ZNF2: variants seen among roughly 807,000 people sequenced by gnomAD.
ZNF2 encodes the protein zinc finger protein 2.2.
In ZNF2, 12 loss-of-function variants were observed where a neutral mutation model predicts 21.9. The observed-to-expected ratio is 0.55, with a 90% CI of 0.35 to 0.89. The LOEUF (loss-of-function observed/expected upper bound fraction) is 0.89. Among genes scored for constraint, ZNF2 ranks in the 40% least tolerant of loss-of-function variants. The pLI, the probability that ZNF2 is intolerant of heterozygous loss-of-function variation, is 0.01. For missense variants in ZNF2, 462 were observed against 544.2 expected, an observed-to-expected ratio of 0.85 and a Z score of 1.50; for synonymous variants, 186 against 196.3, an observed-to-expected ratio of 0.95 and a Z score of 0.44.
rs754735343 is a variant in ZNF2, at chr2:95,181,886, G to A, written c.1058G>A (p.Arg353His). ...CNECGKAFFD[R>H]SSLTQHQKIH... The stretch of plus-strand genomic sequence containing the variant: ...GAGTGTGGCAAAGCTTTCTTTGACC[G>A]CTCATCCCTTACACAGCATCAGAAG... The change falls in exon 5 of 5, where the codon CGC (arginine) becomes CAC (histidine). Residue 353 changes from arginine (R) to histidine (H), a missense_variant. Arg to His is a conservative substitution (Grantham distance 29, BLOSUM62 0). Transcript: ENST00000614034. 20 of 1,613,866 alleles carry A rather than the reference G, an allele frequency of 1.2e-5. No individual in the cohort carries two copies. Among genetic ancestry groups the A allele is most frequent in the Non-Finnish European group, 1.6e-5 (19 of 1,179,990 alleles).
chr2:95,180,800 A>G (rs1316155580), intron 4 of ZNF2, among the ~76,000 whole-genome samples: 1 of 152,080 alleles, frequency 6.6e-6, no homozygotes, highest in Admixed American at 6.5e-5. Context: ...GTGAGCCACC[A>G]TGCCCAGCCA....
intron 1 of ZNF2, among the ~76,000 whole-genome samples, chr2:95,167,123 G>A (rs1337808986): frequency 5.3e-5 from 8 of 152,136 alleles, no homozygotes; most frequent in Non-Finnish European, 1.0e-4. Flanking sequence ...TTTAGTGGTT[G>A]GAAGAAAAGC....
intron 2 of ZNF2, 127 bp from the exon 3 acceptor site, chr2:95,177,356 A>T: frequency 9.0e-7 from 1 of 1,109,876 alleles, no homozygotes; most frequent in Non-Finnish European, 1.3e-6. Flanking sequence ...TTAAAGTTCT[A>T]CTCAGTCAGA....
At chr2:95,167,676 C>T (rs1247639234) in intron 1 of ZNF2, among the ~76,000 whole-genome samples, 1 of 151,200 alleles carries the variant, frequency 6.6e-6, no homozygotes, top group Non-Finnish European at 1.5e-5. Context: ...GGTGAAACCC[C>T]GTCTCTACAA....
At chr2:95,170,311 G>GC (rs1411650987) in intron 1 of ZNF2, among the ~76,000 whole-genome samples, 1 of 152,128 alleles carries the variant, frequency 6.6e-6, no homozygotes, top group Non-Finnish European at 1.5e-5. Flanking sequence ...GGTTGGGGGT[G>GC]TTTTTTGTTT....
At chr2:95,172,741 A>C (rs1241639325) in intron 1 of ZNF2, among the ~76,000 whole-genome samples, 1 of 151,172 alleles carries the variant, frequency 6.6e-6, no homozygotes, top group Non-Finnish European at 1.5e-5. Flanking sequence ...GGTTCAAGCA[A>C]TTCTCCTGCC....
chr2:95,179,728 G>C (rs910651544), intron 3 of ZNF2, among the ~76,000 whole-genome samples: 1 of 152,206 alleles, frequency 6.6e-6, no homozygotes, highest in Non-Finnish European at 1.5e-5. Context: ...TTCTTGGCTT[G>C]TGCGTTCTGC....
Position 95,181,968 on chromosome 2 carries a change from G to A in ZNF2, c.1140G>A (p.Gln380=), listed in dbSNP as rs1255599340. The A allele has an allele frequency of 1.2e-6, 2 of 1,614,284 alleles. No individual in the cohort carries two copies. The highest frequency in any genetic ancestry group is 3.3e-5 in the Admixed American group (2 of 60,034). Residue 380 remains glutamine, a synonymous_variant, in exon 5 of 5, where the codon CAG becomes CAA. Transcript: ENST00000614034. ...ECSECGKAFS[Q]RCRLTRHQRV... ...GCGAATGCGGGAAAGCCTTTAGCCA[G>A]CGGTGCCGGCTCACGCGGCATCAGC...
chr2:95,180,984 C>T (rs1461251451), intron 4 of ZNF2, 119 bp from the exon 5 acceptor site: 2 of 1,250,196 alleles, frequency 1.6e-6, no homozygotes, highest in Non-Finnish European at 2.2e-6. Flanking sequence ...GTAAGACTAT[C>T]TATGGGAGCA....
chr2:95,181,421 A>G lies in ZNF2; in HGVS notation c.593A>G (p.Glu198Gly). Reference sequence around the variant, plus strand: ...CGCCATCAGAGGACTCACACTGGGGAGAAGCCCTACGACTGCCGCGAGTGT... The same window carrying G: ...CGCCATCAGAGGACTCACACTGGGGGGAAGCCCTACGACTGCCGCGAGTGT... ...LTRHQRTHTG[E>G]KPYDCRECGK... The change falls in exon 5 of 5, where the codon GAG becomes GGG. Residue 198 changes from glutamate to glycine, a missense_variant. Physicochemically the swap from Glu to Gly is moderately conservative, Grantham distance 98. Coordinates refer to ENST00000614034, the MANE Select transcript of ZNF2 (RefSeq NM_021088.4). 6.2e-7 allele frequency: 1 copy of G among 1,614,192 alleles called. No individual in the cohort carries two copies. Among genetic ancestry groups the G allele is most frequent in the South Asian group, 1.1e-5 (1 of 91,084 alleles).
chr2:95,180,257 G>A lies in ZNF2; in HGVS notation c.259G>A (p.Glu87Lys), dbSNP rs760188814. 196 of 1,612,668 alleles carry A rather than the reference G, an allele frequency of 1.2e-4. No homozygotes were observed. The highest frequency in any genetic ancestry group is 4.9e-4 in the Middle Eastern group (3 of 6,084). ...TGGGTCTGAGGAGAGAGAATGGCCA[G>A]AGAGTGTCTCTCTAGGTAACTGAGT... ...LHGSEEREWP[E>K]SVSLDWETKP... Residue 87 changes from glutamate (E) to lysine (K), a missense_variant, in exon 4 of 5, where the codon GAG becomes AAG. Transcript: ENST00000614034.
intron 4 of ZNF2, among the ~76,000 whole-genome samples, 165 bp downstream of exon 4, chr2:95,180,437 C>A (rs900640430): frequency 6.6e-6 from 1 of 151,764 alleles, no homozygotes; most frequent in African/African-American, 2.4e-5. Context: ...TACACCTTAA[C>A]GTGTTATTCA....
rs1302177756 is a variant in ZNF2, at chr2:95,184,234, AC to A, written c.*2129del. Reference sequence around the variant, plus strand: ...ACTTTTGAAAGCAACTTGAGGAAAAACACATAACAGAATCTATAGGTGTGGA... The same window carrying A: ...ACTTTTGAAAGCAACTTGAGGAAAAAACATAACAGAATCTATAGGTGTGGA... On this transcript the variant is annotated 3_prime_UTR_variant, in exon 5 of 5. Transcript: ENST00000614034. 1 of 152,212 alleles carries A rather than the reference AC, an allele frequency of 6.6e-6. No homozygotes were observed. Among genetic ancestry groups the A allele is most frequent in the Non-Finnish European group, 1.5e-5 (1 of 68,046 alleles). The allele number at this position is 152,212 out of a possible 1,614,324, so 9.4% of individuals were successfully genotyped here.
Position 95,180,175 on chromosome 2 carries a change from A to T in ZNF2, c.177A>T (p.Gln59His). 6.2e-7 allele frequency: 1 copy of T among 1,613,938 alleles called. No individual in the cohort carries two copies. The highest frequency in any genetic ancestry group is 8.5e-7 in the Non-Finnish European group (1 of 1,179,844). Residue 59 changes from glutamine to histidine, a missense_variant, in exon 4 of 5, where the codon CAA becomes CAT. Transcript: ENST00000614034. ...SIVSLGLPVP[Q>H]PDVIFQLKRG... ...TTTGAGCAGGCCTTCCAGTTCCTCA[A>T]CCTGATGTGATTTTCCAATTGAAGA...
rs191682944 is a variant in ZNF2 at position 95,170,120 on chromosome 2, C to T, written c.-40+4260C>T. 1.9e-4 allele frequency among the ~76,000 whole-genome samples: 29 copies of T among 152,252 alleles called. No homozygotes were observed. In the East Asian group the frequency reaches 5.6e-3, roughly 29 times the overall value. On this transcript the variant is annotated intron_variant, in intron 1 of 4. Coordinates refer to ENST00000614034, the MANE Select transcript of ZNF2 (RefSeq NM_021088.4). Reference sequence around the variant, plus strand: ...GCTAATTTTGACTTATTTCTAGGGCCTAAGGGTAATATTTGGATACCCTCT... The same window carrying T: ...GCTAATTTTGACTTATTTCTAGGGCTTAAGGGTAATATTTGGATACCCTCT...
intron 1 of ZNF2, among the ~76,000 whole-genome samples, chr2:95,167,065 T>A (rs1674081321): frequency 6.6e-6 from 1 of 152,160 alleles, no homozygotes; most frequent in Non-Finnish European, 1.5e-5. Context: ...GCAGCATCCA[T>A]GTTTCCAGGG....
intron 1 of ZNF2, among the ~76,000 whole-genome samples, chr2:95,168,341 C>T (rs1368212347): frequency 6.6e-6 from 1 of 151,586 alleles, no homozygotes; most frequent in Non-Finnish European, 1.5e-5. Flanking sequence ...AGGAGAATCG[C>T]TTGAACCTGG....
At chr2:95,171,268 T>C (rs185633363) in intron 1 of ZNF2, among the ~76,000 whole-genome samples, 1 of 152,228 alleles carries the variant, frequency 6.6e-6, no homozygotes, top group East Asian at 1.9e-4. Flanking sequence ...CTGTACCTTA[T>C]CTCCATGAAC....
chr2:95,167,620 G>A (rs553555452), intron 1 of ZNF2, among the ~76,000 whole-genome samples: 6 of 151,762 alleles, frequency 4.0e-5, no homozygotes, highest in Non-Finnish European at 8.8e-5. Flanking sequence ...AGCCGAGGTG[G>A]GCAGATCACT....
Sources: gnomAD v4.1 joint callset for allele counts (sites outside exome capture counted in the v4.1 genomes callset) on GRCh38, gnomAD v4.1.1 for gene constraint, MANE v1.5 for transcripts, NCBI Gene and HGNC (gene_info 2026-07-23, HGNC 2026-07-21) for gene names.